GRM7: variants seen among roughly 807,000 people sequenced by gnomAD.
The protein encoded by GRM7 is glutamate metabotropic receptor 7.
Under a neutral mutation model 84.5 loss-of-function variants are expected in GRM7, and 35 were observed. The observed-to-expected ratio is 0.41, with a 90% CI of 0.32 to 0.55. The LOEUF (loss-of-function observed/expected upper bound fraction) is 0.55, where lower values mean the gene tolerates loss of function less well. GRM7 is among the 20% of genes least tolerant of loss of function. The pLI, the probability that GRM7 is intolerant of heterozygous loss-of-function variation, is 0.19. For synonymous variants in GRM7, 487 were observed against 455.1 expected (o/e 1.07, Z -0.89); for missense variants, 1,003 against 1,194.6 (o/e 0.84, Z 2.36).
intron 8 of GRM7, among the ~76,000 whole-genome samples, chr3:7,619,518 A>G (rs1697262487): frequency 6.6e-6 from 1 of 152,106 alleles, no homozygotes; most frequent in Admixed American, 6.6e-5. Flanking sequence ...TAGAATGTTA[A>G]CAGTTGATTT....
At chr3:7,359,220 T>TGTGTGTGTG (rs1693552341) in intron 4 of GRM7, among the ~76,000 whole-genome samples, 1 of 133,176 alleles carries the variant, frequency 7.5e-6, no homozygotes, top group African/African-American at 3.0e-5. Flanking sequence ...GTGTTTGTGT[T>TGTGTGTGTG]TGTGTGTGTG....
At chr3:7,136,874 T>C (rs1228481068) in intron 1 of GRM7, among the ~76,000 whole-genome samples, 1 of 152,098 alleles carries the variant, frequency 6.6e-6, no homozygotes, top group Non-Finnish European at 1.5e-5. Context: ...AATAAACAGA[T>C]AATGATACAG....
At chr3:7,439,007 G>GATACAACTT (rs1559322532) in intron 5 of GRM7, among the ~76,000 whole-genome samples, 2 of 152,110 alleles carry the variant, frequency 1.3e-5, no homozygotes. Context: ...CTATATCGCA[G>GATACAACTT]ATACAAAGCA....
intron 2 of GRM7, among the ~76,000 whole-genome samples, chr3:7,243,891 A>G (rs550318597): frequency 6.6e-5 from 10 of 152,186 alleles, no homozygotes; most frequent in Non-Finnish European, 1.5e-4. Flanking sequence ...ATACAATGAT[A>G]AGTATTTTTG....
intron 7 of GRM7, among the ~76,000 whole-genome samples, chr3:7,538,946 T>A (rs1692712650): frequency 6.6e-6 from 1 of 151,990 alleles, no homozygotes; most frequent in Non-Finnish European, 1.5e-5. Flanking sequence ...AAATCCAAAT[T>A]CTTACTGCAC....
intron 2 of GRM7, among the ~76,000 whole-genome samples, chr3:7,247,633 A>G (rs1331232686): frequency 2.2e-4 from 33 of 150,972 alleles, no homozygotes; most frequent in Non-Finnish European, 3.8e-4. Flanking sequence ...AGAAGAAAGA[A>G]AGAAAAATAA....
chr3:7,514,790 C>T (rs557979703), intron 7 of GRM7, among the ~76,000 whole-genome samples: 9 of 152,290 alleles, frequency 5.9e-5, no homozygotes, highest in Admixed American at 3.3e-4. Flanking sequence ...GTCACAGTGA[C>T]GCACTGTGGA....
chr3:6,960,986 T>C (rs1693276306), intron 1 of GRM7, among the ~76,000 whole-genome samples: 1 of 152,226 alleles, frequency 6.6e-6, no homozygotes, highest in Non-Finnish European at 1.5e-5. Context: ...ATATTTTTGC[T>C]TGCAGCCTTC....
At chr3:7,378,337 G>A (rs1005924286) in intron 4 of GRM7, among the ~76,000 whole-genome samples, 2 of 152,178 alleles carry the variant, frequency 1.3e-5, no homozygotes, top group African/African-American at 4.8e-5. Context: ...GATGTTTTAA[G>A]ATATTTTGTG....
intron 1 of GRM7, among the ~76,000 whole-genome samples, chr3:7,126,870 T>A (rs1394181834): frequency 6.6e-6 from 1 of 152,318 alleles, no homozygotes; most frequent in East Asian, 1.9e-4. Context: ...TCATAGCCAA[T>A]GATCTAAATT....
chr3:7,597,233 T>TG (rs35317473), intron 8 of GRM7, among the ~76,000 whole-genome samples: 1 of 150,042 alleles, frequency 6.7e-6, no homozygotes, highest in African/African-American at 2.5e-5. Context: ...AAAGAGAGAG[T>TG]GGGGGGAGGT....
At chr3:6,993,338 G>C (rs931824298) in intron 1 of GRM7, among the ~76,000 whole-genome samples, 8 of 152,112 alleles carry the variant, frequency 5.3e-5, no homozygotes, top group African/African-American at 1.7e-4. Context: ...CCCCTTCTTG[G>C]AGGTATCAAA....
At chr3:7,103,779 TTTCTTTCTTTCTTTC>T (rs1343236227) in intron 1 of GRM7, among the ~76,000 whole-genome samples, 3 of 108,544 alleles carry the variant, frequency 2.8e-5, no homozygotes, top group Admixed American at 8.8e-5. Context: ...TCTTTCTTTC[TTTCTTTCTTTCTTTC>T]TTTCTTTCTT....
intron 7 of GRM7, among the ~76,000 whole-genome samples, chr3:7,559,520 A>T (rs1693918271): frequency 6.6e-6 from 1 of 152,022 alleles, no homozygotes. Flanking sequence ...TGACCAATAA[A>T]ATGATAACCC....
chr3:7,559,351 C>T (rs1333235716), intron 7 of GRM7: 4 of 152,028 alleles, frequency 2.6e-5, no homozygotes, highest in African/African-American at 7.2e-5. Context: ...AAGGTGTGTA[C>T]CCTATATTTA....
chr3:6,877,408 G>C (rs1695348561), intron 1 of GRM7, among the ~76,000 whole-genome samples: 1 of 152,158 alleles, frequency 6.6e-6, no homozygotes, highest in South Asian at 2.1e-4. Flanking sequence ...TATGAAAAGT[G>C]GGTATGTTCA....
At chr3:7,637,457 C>T (rs1011336) in intron 8 of GRM7, among the ~76,000 whole-genome samples, 132,432 of 152,236 alleles carry the variant, frequency 0.87, 57,771 homozygotes, top group African/African-American at 0.94. Context: ...GGATCGCAAT[C>T]CTGAGATGCC....
chr3:6,959,235 G>C (rs1171964624), intron 1 of GRM7, among the ~76,000 whole-genome samples: 1 of 152,136 alleles, frequency 6.6e-6, no homozygotes, highest in Non-Finnish European at 1.5e-5. Flanking sequence ...AAGTACCTTT[G>C]CTTTGGTTGT....
At position 7,064,400 on chromosome 3, in the gene GRM7, C is replaced by A. The variant is rs140997060; in HGVS notation, c.520-82052C>A. Among the ~76,000 whole-genome samples the A allele has an allele frequency of 1.5e-4, 22 of 147,662 alleles. No homozygotes were observed. In the East Asian group the frequency reaches 4.4e-3, roughly 29 times the overall value. On this transcript the variant is annotated intron_variant, in intron 1 of 9. Transcript: ENST00000357716. ...GTCTCCAATCGCATCCAGGTCGCTGCAAATGCTGTTAAATCACTCTTTTTA... is the reference window on the plus strand; with the variant it reads ...GTCTCCAATCGCATCCAGGTCGCTGAAAATGCTGTTAAATCACTCTTTTTA...
Sources: allele counts gnomAD v4.1 joint callset (sites outside exome capture counted in the v4.1 genomes callset), GRCh38; gene constraint gnomAD v4.1.1; transcripts MANE v1.5; gene names NCBI Gene and HGNC (gene_info 2026-07-23, HGNC 2026-07-21).